NAALADL2: variants seen among roughly 807,000 people sequenced by gnomAD.
NAALADL2 encodes inactive N-acetylated-alpha-linked acidic dipeptidase-like protein 2.
Under a neutral mutation model 87.2 loss-of-function variants are expected in NAALADL2, and 76 were observed. The ratio of observed to expected loss-of-function variants is 0.87; its 90% CI spans 0.72 to 1.05. NAALADL2 has a LOEUF of 1.05. Among genes scored for constraint, NAALADL2 ranks in the 50% least tolerant of loss-of-function variants. The pLI, the probability that NAALADL2 is intolerant of heterozygous loss-of-function variation, is 0.00. For missense variants in NAALADL2, 1,089 were observed against 945.8 expected (o/e 1.15, Z -1.99); for synonymous variants, 354 against 331.0 (o/e 1.07, Z -0.75).
At chr3:175,260,054 G>A (rs773092014) in intron 4 of NAALADL2, among the ~76,000 whole-genome samples, 1 of 151,934 alleles carries the variant, frequency 6.6e-6, no homozygotes, top group Non-Finnish European at 1.5e-5. Flanking sequence ...TGTGCTCAGA[G>A]GTCAAATACT....
At chr3:175,435,851 C>T (rs1581873682) in intron 5 of NAALADL2, among the ~76,000 whole-genome samples, 1 of 144,872 alleles carries the variant, frequency 6.9e-6, no homozygotes, top group Non-Finnish European at 1.5e-5. Flanking sequence ...CTGTGTAGTA[C>T]TTTTTTTTTT....
intron 1 of NAALADL2, among the ~76,000 whole-genome samples, chr3:174,913,746 T>C (rs1394624734): frequency 6.6e-6 from 1 of 152,186 alleles, no homozygotes; most frequent in Non-Finnish European, 1.5e-5. Flanking sequence ...TTCTGTTCTT[T>C]CTCTATATCT....
chr3:175,086,430 CG>C (rs1413237331), intron 1 of NAALADL2, among the ~76,000 whole-genome samples: 2 of 151,090 alleles, frequency 1.3e-5, no homozygotes, highest in Non-Finnish European at 3.0e-5. Context: ...AAAAAAGAAA[CG>C]GGAAAAGAAG....
At chr3:175,673,560 CA>C (rs11293725) in intron 11 of NAALADL2, among the ~76,000 whole-genome samples, 50,325 of 151,680 alleles carry the variant, frequency 0.33, 13,073 homozygotes, top group African/African-American at 0.73. Flanking sequence ...GTAAATTTGA[CA>C]AAAATCACTA....
intron 1 of NAALADL2, among the ~76,000 whole-genome samples, chr3:174,990,977 A>G (rs1746656151): frequency 6.6e-6 from 1 of 152,186 alleles, no homozygotes; most frequent in Admixed American, 6.5e-5. Context: ...AAAAATTCAT[A>G]TATTACAGTG....
chr3:174,486,682 G>A lies in NAALADL2; in HGVS notation c.-184+45650G>A, dbSNP rs116576590. ...CTGCTTTTTACTCTTTGTTAGGATG[G>A]AGTGGTGACTTCTAAGCTCCTTACA... On this transcript the variant is annotated intron_variant, in intron 1 of 3. Transcript: ENST00000434257. Among the ~76,000 whole-genome samples, 803 of 152,078 alleles carry A rather than the reference G, an allele frequency of 5.3e-3. 3 individuals carry two copies. The highest frequency in any genetic ancestry group is 7.6e-3 in the Non-Finnish European group (515 of 67,936).
intron 1 of NAALADL2, among the ~76,000 whole-genome samples, chr3:175,095,637 C>T (rs537985289): frequency 1.1e-3 from 171 of 152,160 alleles, no homozygotes; most frequent in Non-Finnish European, 1.9e-3. Flanking sequence ...TAATTCTGTG[C>T]ATAATGCCAC....
At chr3:174,615,467 C>T (rs2108651999) in intron 2 of NAALADL2, among the ~76,000 whole-genome samples, 1 of 152,264 alleles carries the variant, frequency 6.6e-6, no homozygotes, top group African/African-American at 2.4e-5. Context: ...ATGCAGGAAA[C>T]AGTCACAAAG....
chr3:175,567,407 A>T (rs1015090799), intron 9 of NAALADL2, among the ~76,000 whole-genome samples: 13 of 152,096 alleles, frequency 8.5e-5, no homozygotes, highest in African/African-American at 2.4e-4. Flanking sequence ...ATTGATCCTT[A>T]AAGCACTCAT....
chr3:175,797,561 T>C (rs566549447), intron 13 of NAALADL2, among the ~76,000 whole-genome samples: 1 of 152,218 alleles, frequency 6.6e-6, no homozygotes, highest in South Asian at 2.1e-4. Context: ...ACTCTCAAAA[T>C]ATATTCTCAC....
rs1743767668 is a variant in NAALADL2 at position 174,972,109 on chromosome 3, TACTC to T, written c.43+112662_43+112665del. ...CAGTCACCGCCCCTCCATATTTTCTTACTCACAGAAACTTTTCATTGATTGAACT... is the reference window on the plus strand; with the variant it reads ...CAGTCACCGCCCCTCCATATTTTCTTACAGAAACTTTTCATTGATTGAACT... On this transcript the variant is annotated intron_variant, in intron 1 of 13. Transcript: ENST00000454872. Among the ~76,000 whole-genome samples, 3 of 152,096 alleles carry T rather than the reference TACTC, an allele frequency of 2.0e-5. No individual in the cohort carries two copies. In the South Asian group the frequency reaches 6.2e-4, roughly 32 times the overall value.
chr3:175,387,436 T>A (rs1768532782), intron 5 of NAALADL2, among the ~76,000 whole-genome samples: 1 of 152,148 alleles, frequency 6.6e-6, no homozygotes, highest in Admixed American at 6.6e-5. Context: ...TTACTTCTCT[T>A]GTATCCATTT....
At chr3:175,762,137 G>A (rs534977023) in intron 13 of NAALADL2, among the ~76,000 whole-genome samples, 1 of 148,976 alleles carries the variant, frequency 6.7e-6, no homozygotes, top group South Asian at 2.1e-4. Flanking sequence ...TTTACATTTA[G>A]GTCTATGATC....
Position 175,525,939 on chromosome 3 carries a change from C to T in NAALADL2, c.1654-50102C>T, listed in dbSNP as rs1025840092. Among the ~76,000 whole-genome samples the T allele has an allele frequency of 2.7e-4, 41 of 152,256 alleles. 1 individual carries two copies. The highest frequency in any genetic ancestry group is 3.4e-3 in the Middle Eastern group (1 of 294). ...TTTCTCTAAGGGATATAAAAGCCAA[C>T]GCTGAGCCAAGTTCCGTTGGGAAAG... On this transcript the variant is annotated intron_variant, in intron 9 of 13. Transcript: ENST00000454872.
chr3:175,381,418 T>G (rs1767767392), intron 5 of NAALADL2, among the ~76,000 whole-genome samples: 1 of 151,878 alleles, frequency 6.6e-6, no homozygotes, highest in Non-Finnish European at 1.5e-5. Context: ...CTCTATTTAA[T>G]AATTCCTGAA....
In NAALADL2 at chr3:175,206,264, T is replaced by TATATATATATATATA. The variant is rs750185480; in HGVS notation, c.546-27667_546-27666insATATATATATATATA. On this transcript the variant is annotated intron_variant, in intron 2 of 13. Transcript: ENST00000454872. ...AAAAACTATATATATATATATATAT[T>TATATATATATATATA]TTTTTTTTTCACTGTGTGTGTGTAT... is the stretch of plus-strand genomic sequence containing the variant. 5.7e-3 allele frequency among the ~76,000 whole-genome samples: 398 copies of TATATATATATATATA among 69,436 alleles called. 11 individuals are homozygous for TATATATATATATATA. The highest frequency in any genetic ancestry group is 0.018 in the Admixed American group (110 of 5,996). 45.6% of individuals were successfully genotyped at this position (69,436 alleles called of 152,430 possible).
intron 1 of NAALADL2, among the ~76,000 whole-genome samples, chr3:175,075,406 A>G (rs1716413550): frequency 6.6e-6 from 1 of 152,186 alleles, no homozygotes; most frequent in Non-Finnish European, 1.5e-5. Context: ...TCTTTCTAAA[A>G]CATTTTACAT....
chr3:175,570,182 A>T (rs1388828878), intron 9 of NAALADL2, among the ~76,000 whole-genome samples: 1 of 152,172 alleles, frequency 6.6e-6, no homozygotes, highest in Non-Finnish European at 1.5e-5. Flanking sequence ...GTTCTAGTTC[A>T]AGGCAGTCAG....
chr3:174,593,391 G>T (rs559816662), intron 2 of NAALADL2, among the ~76,000 whole-genome samples: 1 of 152,212 alleles, frequency 6.6e-6, no homozygotes, highest in Admixed American at 6.5e-5. Context: ...TTTGAGGAAG[G>T]CACTGCTATT....
Sources: allele counts gnomAD v4.1 joint callset (sites outside exome capture counted in the v4.1 genomes callset), GRCh38; gene constraint gnomAD v4.1.1; transcripts MANE v1.5; gene names NCBI Gene and HGNC (gene_info 2026-07-23, HGNC 2026-07-21).